Variants in KIF13A observed in about 807,000 individuals in gnomAD.
KIF13A encodes kinesin family member 13A, also known as kinesin-like protein KIF13A.
Under a neutral mutation model 212.2 loss-of-function variants are expected in KIF13A, and 79 were observed. That is an observed-to-expected ratio of 0.37 (90% CI 0.31 to 0.45). The LOEUF (loss-of-function observed/expected upper bound fraction) is 0.45. Ranked by LOEUF, KIF13A falls within the 20% of genes least tolerant of loss-of-function variation. KIF13A has a pLI of 1.00. For synonymous variants in KIF13A, 789 were observed against 808.6 expected, an observed-to-expected ratio of 0.98 and a Z score of 0.41; for missense variants, 1,901 against 2,209.0, an observed-to-expected ratio of 0.86 and a Z score of 2.79.
chr6:17,824,760 C>CAAA (rs1234476186), intron 16 of KIF13A, among the ~76,000 whole-genome samples: 644 of 48,628 alleles, frequency 0.013, 21 homozygotes, highest in African/African-American at 0.026. Flanking sequence ...GACTCCGTCT[C>CAAA]AAAAAAAAAA....
intron 2 of KIF13A, among the ~76,000 whole-genome samples, chr6:17,970,107 A>G (rs990734530): frequency 1.6e-4 from 24 of 151,908 alleles, no homozygotes; most frequent in African/African-American, 5.3e-4. Flanking sequence ...TATTTTTAGT[A>G]GAGACAGGGT....
At chr6:17,865,221 T>C (rs1769236714) in intron 4 of KIF13A, among the ~76,000 whole-genome samples, 1 of 152,056 alleles carries the variant, frequency 6.6e-6, no homozygotes, top group African/African-American at 2.4e-5. Context: ...TAGAAAAGCA[T>C]CCAATATTTG....
At chr6:17,804,608 AATCT>A in intron 19 of KIF13A, 98 bp from the exon 20 acceptor site, 1 of 1,168,028 alleles carries the variant, frequency 8.6e-7, no homozygotes, top group Non-Finnish European at 1.2e-6. Context: ...AAATTTAAAG[AATCT>A]ATCCATTTAA....
In KIF13A at chr6:17,796,484, G is replaced by A. The variant is rs185492437; in HGVS notation, c.2942+185C>T. 6.3e-3 allele frequency among the ~76,000 whole-genome samples: 943 copies of A among 150,422 alleles called. 15 individuals are homozygous for A. The highest frequency in any genetic ancestry group is 0.021 in the African/African-American group (863 of 40,992). On this transcript the variant is annotated intron_variant, in intron 23 of 38. Coordinates refer to ENST00000259711, the MANE Select transcript of KIF13A (RefSeq NM_022113.6). ...TCTCGAACTCCTGACCTCATGATCC[G>A]TCTGCCTTGGCCTCCCAAAGTGCTG... is the stretch of plus-strand genomic sequence containing the variant.
chr6:17,954,509 A>ATT (rs1778176308), intron 2 of KIF13A, among the ~76,000 whole-genome samples: 1 of 152,180 alleles, frequency 6.6e-6, no homozygotes, highest in Non-Finnish European at 1.5e-5. Flanking sequence ...ACACAGCATA[A>ATT]TTTAAAATAT....
In KIF13A at chr6:17,888,581, T is replaced by G. The variant is rs960976106; in HGVS notation, c.159+9587A>C. Reference sequence around the variant, plus strand: ...GCTTATGCCTGTAATCCCAGCACTTTGGGAGGCCAAAGCGGGCAGATCACT... The same window carrying G: ...GCTTATGCCTGTAATCCCAGCACTTGGGGAGGCCAAAGCGGGCAGATCACT... On this transcript the variant is annotated intron_variant, in intron 3 of 38. Transcript: ENST00000259711. The surrounding 1 kb of genome is among the most constrained non-coding windows in gnomAD (Gnocchi z 4.8). Among the ~76,000 whole-genome samples the G allele has an allele frequency of 6.6e-6, 1 of 152,222 alleles. No individual in the cohort carries two copies. Among genetic ancestry groups the G allele is most frequent in the African/African-American group, 2.4e-5 (1 of 41,452 alleles).
At chr6:17,929,883 C>T (rs1280175599) in intron 2 of KIF13A, among the ~76,000 whole-genome samples, 3 of 152,142 alleles carry the variant, frequency 2.0e-5, no homozygotes, top group Non-Finnish European at 4.4e-5. Flanking sequence ...AGGAATGAGG[C>T]ACTACATGCA....
In KIF13A at chr6:17,816,896, T is replaced by A. The variant is rs903595921; in HGVS notation, c.2000+124A>T. 2.9e-6 allele frequency: 2 copies of A among 689,558 alleles called. No individual in the cohort carries two copies. The highest frequency in any genetic ancestry group is 3.6e-5 in the African/African-American group (2 of 55,556). 42.7% of individuals were successfully genotyped at this position (689,558 alleles called of 1,614,324 possible). On this transcript the variant is annotated intron_variant, in intron 17 of 38. Coordinates refer to ENST00000259711, the MANE Select transcript of KIF13A (RefSeq NM_022113.6). This position sits in a 1 kb window ranked among gnomAD's most constrained non-coding sequence, Gnocchi z 4.3. ...TGAAAGGAAAAGCTAATTGGCAATA[T>A]CACGTATGGGATTAAGAGTTCTCTT... is the stretch of plus-strand genomic sequence containing the variant.
chr6:17,852,018 T>C lies in KIF13A; in HGVS notation c.519A>G (p.Arg173=), dbSNP rs1342454407. Residue 173 remains arginine (R), a synonymous_variant, in exon 7 of 39, where the codon CGA becomes CGG. Coordinates refer to ENST00000259711, the MANE Select transcript of KIF13A (RefSeq NM_022113.6). ...PKGSRQSLKV[R]EHKVLGPYVD... ...CATATGGTCCCAAAACTTTATGTTCTCGAACTTTAAGAGACTGTCTACTCC... is the reference window on the plus strand; with the variant it reads ...CATATGGTCCCAAAACTTTATGTTCCCGAACTTTAAGAGACTGTCTACTCC... The C allele has an allele frequency of 6.4e-7, 1 of 1,553,236 alleles. No individual in the cohort carries two copies. The highest frequency in any genetic ancestry group is 1.3e-5 in the South Asian group (1 of 79,222).
chr6:17,771,945 C>T lies in KIF13A; in HGVS notation c.4439G>A (p.Arg1480Lys). Reference sequence around the variant, plus strand: ...AAGAGGCCTTGCTTCCAGGGCTATCCTTTTCTTATGCTCCTCTTTTACAGG... The same window carrying T: ...AAGAGGCCTTGCTTCCAGGGCTATCTTTTTCTTATGCTCCTCTTTTACAGG... ...LMPVKEEHKK[R>K]IALEARPLLS... is the part of the protein sequence containing the mutation. The change falls in exon 37 of 39, where the codon AGG becomes AAG. Residue 1480 changes from arginine (R) to lysine (K), a missense_variant. By Grantham distance (26) the Arg-to-Lys change is conservative. Transcript: ENST00000259711. The surrounding 1 kb of genome is among the most constrained non-coding windows in gnomAD (Gnocchi z 5.4). 2 of 1,613,980 alleles carry T rather than the reference C, an allele frequency of 1.2e-6. No individual in the cohort carries two copies. The highest frequency in any genetic ancestry group is 1.3e-5 in the African/African-American group (1 of 75,046).
rs1554172080 is a variant in KIF13A at position 17,821,552 on chromosome 6, G to GTGTGTGTGTGTGTGTGTGTGTGT, written c.1786+4215_1786+4216insACACACACACACACACACACACA. Among the ~76,000 whole-genome samples, 88 of 112,092 alleles carry GTGTGTGTGTGTGTGTGTGTGTGT rather than the reference G, an allele frequency of 7.9e-4. 3 individuals are homozygous for GTGTGTGTGTGTGTGTGTGTGTGT. The highest frequency in any genetic ancestry group is 2.5e-3 in the African/African-American group (84 of 32,990). 73.5% of individuals were successfully genotyped at this position (112,092 alleles called of 152,430 possible). A position where few individuals can be genotyped will look rare whatever the true frequency, so the allele number is the denominator to read the frequency against. On this transcript the variant is annotated intron_variant, in intron 16 of 38. Transcript: ENST00000259711. ...TGGGAGGCAAATGGAATTGGGACAT[G>GTGTGTGTGTGTGTGTGTGTGTGT]GTGTGTGTGTGTGTGTGTGTGTGTG...
chr6:17,939,651 G>A (rs1039875660), intron 2 of KIF13A, among the ~76,000 whole-genome samples: 7 of 152,310 alleles, frequency 4.6e-5, no homozygotes, highest in African/African-American at 1.7e-4. Flanking sequence ...ACAGCATGAG[G>A]TAAAGAAGCG....
rs201952897 is a variant in KIF13A, at chr6:17,766,203, CTTATT to C, written c.4582-1262_4582-1258del. Among the ~76,000 whole-genome samples, 38 of 131,946 alleles carry C rather than the reference CTTATT, an allele frequency of 2.9e-4. 1 individual carries two copies. Among genetic ancestry groups the C allele is most frequent in the African/African-American group, 1.0e-3 (35 of 34,612 alleles). The allele number at this position is 131,946 out of a possible 152,430, so 86.6% of individuals were successfully genotyped here. On this transcript the variant is annotated intron_variant, in intron 38 of 38. Coordinates refer to ENST00000259711, the MANE Select transcript of KIF13A (RefSeq NM_022113.6). ...ATTAAGTTTGCATTTTATTAATTTA[CTTATT>C]TTATTTTTAAGATTTATTTATTTAT...
Position 17,899,965 on chromosome 6 carries a change from T to C in KIF13A, c.147-1785A>G, listed in dbSNP as rs898895988. Among the ~76,000 whole-genome samples the C allele has an allele frequency of 3.9e-5, 6 of 152,202 alleles. No homozygotes were observed. The highest frequency in any genetic ancestry group is 8.8e-5 in the Non-Finnish European group (6 of 68,024). On this transcript the variant is annotated intron_variant, in intron 2 of 38. Transcript: ENST00000259711. This position sits in a 1 kb window ranked among gnomAD's most constrained non-coding sequence, Gnocchi z 5.2. The stretch of plus-strand genomic sequence containing the variant: ...CCTCAGTTCTAAGAAGGTAGAACAA[T>C]AATAAAACTTTATGAACCATATTTT...
rs1412667829 is a variant in KIF13A, at chr6:17,963,817, A to G, written c.146+23237T>C. Among the ~76,000 whole-genome samples the G allele has an allele frequency of 6.6e-6, 1 of 152,130 alleles. No homozygotes were observed. Among genetic ancestry groups the G allele is most frequent in the Non-Finnish European group, 1.5e-5 (1 of 68,026 alleles). On this transcript the variant is annotated intron_variant, in intron 2 of 38. Coordinates refer to ENST00000259711, the MANE Select transcript of KIF13A (RefSeq NM_022113.6). This position sits in a 1 kb window ranked among gnomAD's most constrained non-coding sequence, Gnocchi z 4.1. The stretch of plus-strand genomic sequence containing the variant: ...TGATCCGCCCACCTCAGCCTCCCAA[A>G]GTGTTGGGATTACGGGCGTGAGCCA...
At chr6:17,878,812 C>G (rs897513732) in intron 3 of KIF13A, among the ~76,000 whole-genome samples, 1 of 152,114 alleles carries the variant, frequency 6.6e-6, no homozygotes, top group Non-Finnish European at 1.5e-5. Context: ...AAGCATTTGC[C>G]CCCTAGAATT....
chr6:17,884,169 C>G (rs1771335691), intron 3 of KIF13A, among the ~76,000 whole-genome samples: 3 of 152,136 alleles, frequency 2.0e-5, no homozygotes, highest in Non-Finnish European at 4.4e-5. Flanking sequence ...GCTGTCTTAG[C>G]CAACAGCTCT....
chr6:17,827,978 T>C (rs1425051577), intron 14 of KIF13A, among the ~76,000 whole-genome samples: 1 of 152,208 alleles, frequency 6.6e-6, no homozygotes, highest in Middle Eastern at 3.2e-3. Flanking sequence ...AGTTACTCTT[T>C]TCACTTACTC....
rs867034927 is a variant in KIF13A, at chr6:17,897,081, T to C, written c.159+1087A>G. On this transcript the variant is annotated intron_variant, in intron 3 of 38. Coordinates refer to ENST00000259711, the MANE Select transcript of KIF13A (RefSeq NM_022113.6). This position sits in a 1 kb window ranked among gnomAD's most constrained non-coding sequence, Gnocchi z 4.8. ...TATATTTCCTCTTTCTTAACAGATC[T>C]TATATCATTTGTTCAATGCATGCCT... Among the ~76,000 whole-genome samples, 41 of 152,338 alleles carry C rather than the reference T, an allele frequency of 2.7e-4. No individual in the cohort carries two copies. The highest frequency in any genetic ancestry group is 8.9e-4 in the African/African-American group (37 of 41,572).
Sources: allele counts gnomAD v4.1 joint callset (sites outside exome capture counted in the v4.1 genomes callset), GRCh38; gene constraint gnomAD v4.1.1; non-coding constraint Gnocchi (gnomAD v3.1); transcripts MANE v1.5; gene names NCBI Gene and HGNC (gene_info 2026-07-23, HGNC 2026-07-21).